ASXL2: variants seen among roughly 807,000 people sequenced by gnomAD.
ASXL2 encodes the protein ASXL transcriptional regulator 2.
A neutral mutation model predicts 122.0 loss-of-function variants in ASXL2; 23 were observed. That is an observed-to-expected ratio of 0.19 (90% CI 0.14 to 0.27). The LOEUF (loss-of-function observed/expected upper bound fraction) is 0.27. Among genes scored for constraint, ASXL2 ranks in the 10% least tolerant of loss-of-function variants. ASXL2 has a pLI of 1.00. For synonymous variants in ASXL2, 650 were observed against 637.0 expected (o/e 1.02, Z -0.31); for missense variants, 1,518 against 1,713.8 (o/e 0.89, Z 2.02).
rs1004025763 is a variant in ASXL2 at position 25,742,206 on chromosome 2, G to A, written c.4131C>T (p.Ser1377=). 1.2e-6 allele frequency: 2 copies of A among 1,613,884 alleles called. No individual in the cohort carries two copies. Among genetic ancestry groups the A allele is most frequent in the African/African-American group, 2.7e-5 (2 of 74,916 alleles). The part of the protein sequence containing the change: ...IPASQAMNPS[S]HGQTIPVQAF... ...CCTGAACAGGAATGGTCTGGCCATG[G>A]CTGCTGGGATTCATAGCTTGGCTAG... Residue 1377 remains serine (S), a synonymous_variant, in exon 13 of 13, where the codon AGC becomes AGT. Transcript: ENST00000435504.
chr2:25,801,829 T>C (rs1374286764), intron 4 of ASXL2, among the ~76,000 whole-genome samples: 2 of 152,164 alleles, frequency 1.3e-5, no homozygotes, highest in South Asian at 2.1e-4. Context: ...CTGACAAATT[T>C]TCCTGCTTCA....
At chr2:25,810,409 GC>G (rs1472561574) in intron 3 of ASXL2, 2 of 687,844 alleles carry the variant, frequency 2.9e-6, no homozygotes, top group African/African-American at 3.5e-5. Context: ...CTGATCAGTA[GC>G]TTTTTCCGCT....
intron 1 of ASXL2, among the ~76,000 whole-genome samples, chr2:25,865,212 C>T (rs1364545728): frequency 6.7e-6 from 1 of 149,990 alleles, no homozygotes; most frequent in African/African-American, 2.4e-5. Context: ...GGGTGGCTCA[C>T]TTGAGGCCAG....
intron 3 of ASXL2, among the ~76,000 whole-genome samples, chr2:25,806,849 T>C (rs1262824586): frequency 6.6e-6 from 1 of 152,094 alleles, no homozygotes; most frequent in African/African-American, 2.4e-5. Flanking sequence ...ATGTAGCAAC[T>C]TGGTTAAATG....
At chr2:25,856,812 T>C in intron 1 of ASXL2, 1 of 1,149,824 alleles carries the variant, frequency 8.7e-7, no homozygotes, top group Non-Finnish European at 1.3e-6. Flanking sequence ...GACTGTCAGG[T>C]CATCCCCCAC....
chr2:25,850,778 T>C (rs2089706092), intron 1 of ASXL2, among the ~76,000 whole-genome samples: 1 of 152,194 alleles, frequency 6.6e-6, no homozygotes, highest in Non-Finnish European at 1.5e-5. Context: ...CTTTTTCATT[T>C]ATAAGCCAGA....
chr2:25,878,087 G>A (rs1292640676), intron 1 of ASXL2, 79 bp downstream of exon 1: 5 of 1,569,660 alleles, frequency 3.2e-6, no homozygotes, highest in East Asian at 2.2e-5. Flanking sequence ...CTGGGCCAGT[G>A]ACCTCCCTTT....
intron 5 of ASXL2, among the ~76,000 whole-genome samples, chr2:25,784,381 A>C (rs773561905): frequency 6.6e-6 from 1 of 152,252 alleles, no homozygotes; most frequent in Non-Finnish European, 1.5e-5. Context: ...ATGGCAGCAG[A>C]GATGATGACT....
chr2:25,798,936 C>T (rs1008609328), intron 5 of ASXL2, among the ~76,000 whole-genome samples: 2 of 152,104 alleles, frequency 1.3e-5, no homozygotes, highest in Admixed American at 1.3e-4. Context: ...TAAATTCTAA[C>T]GTAAACCATG....
At position 25,742,094 on chromosome 2, in the gene ASXL2, C is replaced by T. The variant is rs368569134; in HGVS notation, c.4243G>A (p.Ala1415Thr). The T allele has an allele frequency of 3.7e-6, 6 of 1,613,906 alleles. No homozygotes were observed. Among genetic ancestry groups the T allele is most frequent in the Admixed American group, 1.7e-5 (1 of 60,010 alleles). ...KAMIMCKGCG[A>T]FCHDDCIGPS... ...CCGATGCAATCATCATGGCAGAAAG[C>T]GCCACAGCCTTTGCACATGATCATG... The change falls in exon 13 of 13, where the codon GCT becomes ACT. Residue 1415 changes from alanine to threonine, a missense_variant. Physicochemically the swap from Ala to Thr is moderately conservative, Grantham distance 58 (BLOSUM62 0). Transcript: ENST00000435504.
At chr2:25,779,501 C>T (rs867074965) in intron 5 of ASXL2, among the ~76,000 whole-genome samples, 1 of 152,044 alleles carries the variant, frequency 6.6e-6, no homozygotes, top group African/African-American at 2.4e-5. Context: ...TTCAAAGAAA[C>T]CATACCAATA....
chr2:25,795,395 A>G (rs1272920848), intron 5 of ASXL2, among the ~76,000 whole-genome samples: 2 of 152,178 alleles, frequency 1.3e-5, no homozygotes, highest in Non-Finnish European at 2.9e-5. Context: ...TATGTTATTC[A>G]TATCTACCTA....
intron 12 of ASXL2, among the ~76,000 whole-genome samples, chr2:25,746,318 A>G (rs1025095896): frequency 1.3e-5 from 2 of 152,200 alleles, no homozygotes; most frequent in Non-Finnish European, 2.9e-5. Flanking sequence ...GGTGTCACAG[A>G]GTATATATTT....
intron 1 of ASXL2, among the ~76,000 whole-genome samples, chr2:25,851,147 C>CAAA (rs570159423): frequency 4.2e-5 from 4 of 96,300 alleles, no homozygotes; most frequent in Non-Finnish European, 8.8e-5. Context: ...ACTCCTTCTC[C>CAAA]AAAAAAAAAA....
intron 1 of ASXL2, among the ~76,000 whole-genome samples, chr2:25,853,297 T>TTTAG (rs1491371239): frequency 6.6e-6 from 1 of 152,166 alleles, no homozygotes; most frequent in Admixed American, 6.5e-5. Flanking sequence ...ACACATGGTA[T>TTTAG]TTAGACAGAA....
chr2:25,742,947 G>A lies in ASXL2; in HGVS notation c.3390C>T (p.Thr1130=). The change falls in exon 13 of 13, where the codon ACC becomes ACT. Residue 1130 remains threonine (T), a synonymous_variant. Coordinates refer to ENST00000435504, the MANE Select transcript of ASXL2 (RefSeq NM_018263.6). ...TAAAGCTCTCTGAGCCCCGGCCGTA[G>A]GTAGAAATATTCAGTAAGTAGTGCC... ...MAGHYLLNIS[T]YGRGSESFRR... The A allele has an allele frequency of 6.2e-7, 1 of 1,614,010 alleles. No homozygotes were observed. Among genetic ancestry groups the A allele is most frequent in the Non-Finnish European group, 8.5e-7 (1 of 1,179,908 alleles).
At chr2:25,839,524 C>T (rs1361560361) in intron 2 of ASXL2, among the ~76,000 whole-genome samples, 1 of 151,964 alleles carries the variant, frequency 6.6e-6, no homozygotes, top group East Asian at 1.9e-4. Context: ...TTCTTAACCT[C>T]TCCTGGCCTA....
At position 25,744,720 on chromosome 2, in the gene ASXL2, C is replaced by T. The variant is rs909186019; in HGVS notation, c.1861-244G>A. Among the ~76,000 whole-genome samples, 1 of 152,190 alleles carries T rather than the reference C, an allele frequency of 6.6e-6. No homozygotes were observed. Among genetic ancestry groups the T allele is most frequent in the African/African-American group, 2.4e-5 (1 of 41,436 alleles). On this transcript the variant is annotated intron_variant, in intron 12 of 12. Transcript: ENST00000435504. The surrounding 1 kb of genome is among the most constrained non-coding windows in gnomAD (Gnocchi z 4.7). The stretch of plus-strand genomic sequence containing the variant: ...TGCTTCCACTCTCACCCCAAATCCC[C>T]ACACCTCTTTTCCTATCTCAACTCC...
chr2:25,811,957 C>G (rs1263075543), intron 3 of ASXL2, among the ~76,000 whole-genome samples: 1 of 151,802 alleles, frequency 6.6e-6, no homozygotes, highest in Non-Finnish European at 1.5e-5. Flanking sequence ...ACCATGTTGG[C>G]TAGGCTGGTC....
Sources: gnomAD v4.1 joint callset for allele counts (sites outside exome capture counted in the v4.1 genomes callset) on GRCh38, gnomAD v4.1.1 for gene constraint, Gnocchi (gnomAD v3.1) non-coding constraint, MANE v1.5 for transcripts, NCBI Gene and HGNC (gene_info 2026-07-23, HGNC 2026-07-21) for gene names.